Variants in RPS6KC1 observed in about 807,000 individuals in gnomAD.
The protein encoded by RPS6KC1 is ribosomal protein S6 kinase C1.
RPS6KC1 carries 54 observed loss-of-function variants against 103.8 expected under a neutral mutation model. That is an observed-to-expected ratio of 0.52 (90% confidence interval 0.42 to 0.65). RPS6KC1 has a LOEUF of 0.65. RPS6KC1 is among the 30% of genes least tolerant of loss of function. The pLI is 0.00. For missense variants in RPS6KC1, 1,151 were observed against 1,253.8 expected (o/e 0.92, Z 1.24); for synonymous variants, 439 against 438.7 (o/e 1.00, Z -0.01).
chr1:213,077,844 TA>T (rs751256909), intron 3 of RPS6KC1, 28 bp downstream of exon 3: 3 of 1,360,144 alleles, frequency 2.2e-6, no homozygotes, highest in South Asian at 1.5e-5. Flanking sequence ...AATTGTAATT[TA>T]AAAAAATAAT....
At position 213,151,675 on chromosome 1, in the gene RPS6KC1, CG is replaced by C. The variant is rs1297907554; in HGVS notation, c.836-16180del. Among the ~76,000 whole-genome samples, 16 of 89,344 alleles carry C rather than the reference CG, an allele frequency of 1.8e-4. 1 individual carries two copies. Among genetic ancestry groups the C allele is most frequent in the Non-Finnish European group, 3.2e-4 (14 of 43,714 alleles). 58.6% of individuals were successfully genotyped at this position (89,344 alleles called of 152,430 possible). On this transcript the variant is annotated intron_variant, in intron 6 of 14. Coordinates refer to ENST00000366960, the MANE Select transcript of RPS6KC1 (RefSeq NM_012424.6). Reference sequence around the variant, plus strand: ...CTCCTCACTTCCCAGTAGGGGCGGCCGGGCAGACGCGCCCCTCACCTCCCGG... The same window carrying C: ...CTCCTCACTTCCCAGTAGGGGCGGCCGGCAGACGCGCCCCTCACCTCCCGG...
At chr1:213,837,979 A>C in the RPS6KC1 span, among the ~76,000 whole-genome samples, 1 of 152,142 alleles carries the variant, frequency 6.6e-6, no homozygotes, top group Non-Finnish European at 1.5e-5. Flanking sequence ...TCAGTAATTT[A>C]TCTTTCACGT....
At chr1:213,556,915 AT>A in the RPS6KC1 span, among the ~76,000 whole-genome samples, 1 of 152,238 alleles carries the variant, frequency 6.6e-6, no homozygotes, top group Admixed American at 6.5e-5. Flanking sequence ...CATGGAGCTC[AT>A]TTAATCCAGG....
chr1:213,490,965 GT>G, the RPS6KC1 span, among the ~76,000 whole-genome samples: 1 of 152,090 alleles, frequency 6.6e-6, no homozygotes, highest in Non-Finnish European at 1.5e-5. Context: ...TGGAAACATT[GT>G]CCCCACACTG....
chr1:213,687,257 G>T, the RPS6KC1 span, among the ~76,000 whole-genome samples: 12 of 152,276 alleles, frequency 7.9e-5, no homozygotes, highest in East Asian at 2.1e-3. Context: ...AGATGGAGTC[G>T]CTCTGGTTTG....
At chr1:213,237,618 T>C (rs1231554733) in intron 10 of RPS6KC1, among the ~76,000 whole-genome samples, 1 of 152,206 alleles carries the variant, frequency 6.6e-6, no homozygotes, top group African/African-American at 2.4e-5. Flanking sequence ...GTGATAGCAG[T>C]GTTTTATCGT....
At position 213,140,509 on chromosome 1, in the gene RPS6KC1, C is replaced by T. The variant is rs941017983; in HGVS notation, c.835+10620C>T. ...GACTCTTATTATTTTGAGGTATGCA[C>T]CTTCGATGAGTAGTTCATTGAGGAT... is the stretch of plus-strand genomic sequence containing the variant. On this transcript the variant is annotated intron_variant, in intron 6 of 14. Coordinates refer to ENST00000366960, the MANE Select transcript of RPS6KC1 (RefSeq NM_012424.6). Among the ~76,000 whole-genome samples, 3 of 152,116 alleles carry T rather than the reference C, an allele frequency of 2.0e-5. No homozygotes were observed. The South Asian group carries it at 6.2e-4, about 32-fold the overall frequency.
chr1:213,579,974 A>G, the RPS6KC1 span, among the ~76,000 whole-genome samples: 1 of 152,124 alleles, frequency 6.6e-6, no homozygotes, highest in Non-Finnish European at 1.5e-5. Flanking sequence ...CATGACTGCT[A>G]ACACAACATC....
the RPS6KC1 span, among the ~76,000 whole-genome samples, chr1:213,809,727 G>A: frequency 6.6e-6 from 1 of 152,044 alleles, no homozygotes; most frequent in Non-Finnish European, 1.5e-5. Context: ...AGGCACTGGG[G>A]GACCCTTTCA....
the RPS6KC1 span, among the ~76,000 whole-genome samples, chr1:213,730,626 T>C: frequency 4.7e-3 from 710 of 152,314 alleles, 6 homozygotes; most frequent in African/African-American, 0.015. Flanking sequence ...GTTTGTTTTT[T>C]ATTTCTTGCA....
At chr1:213,792,389 C>A in the RPS6KC1 span, among the ~76,000 whole-genome samples, 2 of 152,162 alleles carry the variant, frequency 1.3e-5, no homozygotes, top group South Asian at 4.2e-4. Flanking sequence ...TACAGGCAGG[C>A]CAGCTCTCAT....
At chr1:213,726,949 A>G in the RPS6KC1 span, among the ~76,000 whole-genome samples, 1 of 152,204 alleles carries the variant, frequency 6.6e-6, no homozygotes, top group South Asian at 2.1e-4. Flanking sequence ...GGTCCAGAGC[A>G]AATCAGGCAC....
the RPS6KC1 span, among the ~76,000 whole-genome samples, chr1:213,797,194 C>A: frequency 6.6e-6 from 1 of 152,210 alleles, no homozygotes; most frequent in Non-Finnish European, 1.5e-5. Flanking sequence ...AAAATAAGAA[C>A]TAAACACTCA....
intron 8 of RPS6KC1, among the ~76,000 whole-genome samples, chr1:213,210,633 A>G (rs1025202285): frequency 6.6e-6 from 1 of 152,240 alleles, no homozygotes; most frequent in Non-Finnish European, 1.5e-5. Flanking sequence ...CAGAACATGA[A>G]CACATTGTGT....
the RPS6KC1 span, among the ~76,000 whole-genome samples, chr1:213,858,296 G>A: frequency 9.9e-5 from 15 of 152,258 alleles, no homozygotes; most frequent in African/African-American, 3.6e-4. Flanking sequence ...ATTAACTTGT[G>A]CCCATTTTAC....
At chr1:213,138,636 A>G (rs1198228394) in intron 6 of RPS6KC1, among the ~76,000 whole-genome samples, 4 of 152,124 alleles carry the variant, frequency 2.6e-5, no homozygotes, top group African/African-American at 9.7e-5. Context: ...ATATTAATTT[A>G]CTTAGATTAT....
the RPS6KC1 span, among the ~76,000 whole-genome samples, chr1:213,572,561 G>A: frequency 6.6e-6 from 1 of 152,124 alleles, no homozygotes; most frequent in Non-Finnish European, 1.5e-5. Context: ...AATGGAAAGG[G>A]CAGGTTATCT....
At chr1:213,795,849 C>T in the RPS6KC1 span, among the ~76,000 whole-genome samples, 1 of 152,150 alleles carries the variant, frequency 6.6e-6, no homozygotes, top group African/African-American at 2.4e-5. Context: ...CTCTCGTTCT[C>T]TCTCAGTTCT....
the RPS6KC1 span, among the ~76,000 whole-genome samples, chr1:213,660,419 T>TA: frequency 1.3e-5 from 2 of 152,224 alleles, no homozygotes; most frequent in African/African-American, 2.4e-5. Flanking sequence ...AAGGCAGTGA[T>TA]ATGCTTCACC....
Sources: gnomAD v4.1 joint callset for allele counts (sites outside exome capture counted in the v4.1 genomes callset) on GRCh38, gnomAD v4.1.1 for gene constraint, MANE v1.5 for transcripts, NCBI Gene and HGNC (gene_info 2026-07-23, HGNC 2026-07-21) for gene names.